The following PCMTD2 variants were observed in gnomAD, a reference collection of about 807,000 sequenced individuals.
The protein encoded by PCMTD2 is protein-L-isoaspartate (D-aspartate) O-methyltransferase domain containing 2.
PCMTD2 carries 16 observed loss-of-function variants against 33.4 expected under a neutral mutation model. The ratio of observed to expected loss-of-function variants is 0.48; its 90% confidence interval spans 0.32 to 0.73. PCMTD2 has a LOEUF of 0.73. Among genes scored for constraint, PCMTD2 ranks in the 30% least tolerant of loss-of-function variants. The probability of loss-of-function intolerance (pLI) is 0.03; values close to 1 mark genes in which losing one functional copy is unlikely to be tolerated. For missense variants in PCMTD2, 374 were observed against 449.9 expected, an observed-to-expected ratio of 0.83 and a Z score of 1.53; for synonymous variants, 161 against 160.8, an observed-to-expected ratio of 1.00 and a Z score of -0.01.
intron 5 of PCMTD2, 140 bp downstream of exon 5, chr20:64,268,150 C>CCTTTCTGACTTTGGT (rs769101710): frequency 0.21 from 121,975 of 573,288 alleles, 15,445 homozygotes; most frequent in South Asian, 0.39. Flanking sequence ...ATTCTACAAG[C>CCTTTCTGACTTTGGT]AATTTCAGGC....
At position 64,268,024 on chromosome 20, in the gene PCMTD2, T is replaced by G; in HGVS notation, c.706+14T>G. ...TTGTCCAGTTACGTAAGTATACCAA[T>G]CTTTACTTATTTTATCTTTTAGATC... is the stretch of plus-strand genomic sequence containing the variant. On this transcript the variant is annotated intron_variant, in intron 5 of 5. Coordinates refer to ENST00000308824, the MANE Select transcript of PCMTD2 (RefSeq NM_018257.3). 6.3e-7 allele frequency: 1 copy of G among 1,587,530 alleles called. No individual in the cohort carries two copies. Among genetic ancestry groups the G allele is most frequent in the Non-Finnish European group, 8.6e-7 (1 of 1,163,164 alleles).
chr20:64,259,505 C>T (rs1286814731), intron 1 of PCMTD2, among the ~76,000 whole-genome samples: 1 of 151,280 alleles, frequency 6.6e-6, no homozygotes, highest in East Asian at 1.9e-4. Context: ...TCTTCTCCCT[C>T]AGCCTCGCCA....
intron 3 of PCMTD2, among the ~76,000 whole-genome samples, chr20:64,264,927 A>G (rs1011806725): frequency 2.6e-5 from 4 of 152,244 alleles, no homozygotes; most frequent in Non-Finnish European, 4.4e-5. Context: ...CCACCCCCAC[A>G]TCTCACTCAT....
intron 5 of PCMTD2, chr20:64,272,146 C>A: frequency 2.7e-6 from 1 of 372,150 alleles, no homozygotes. Context: ...TTACTCACTA[C>A]CAGGGGCCTG....
rs557789541 is a variant in PCMTD2, at chr20:64,273,425, A to T, written c.911A>T (p.Asn304Ile). 1.3e-5 allele frequency: 21 copies of T among 1,614,022 alleles called. No homozygotes were observed. In the South Asian group the frequency reaches 2.2e-4, roughly 17 times the overall value. Residue 304 changes from asparagine (N) to isoleucine (I), a missense_variant, in exon 6 of 6, where the codon AAC becomes ATC. Transcript: ENST00000308824. ...DKEVFASRIS[N>I]PSDDNSCEDL... ...GAAGTCTTTGCCAGTCGGATTTCCA[A>T]CCCCTCAGATGACAACAGCTGTGAA...
intron 2 of PCMTD2, among the ~76,000 whole-genome samples, chr20:64,261,953 TTAAAG>T (rs1985433709): frequency 6.6e-6 from 1 of 152,162 alleles, no homozygotes; most frequent in Non-Finnish European, 1.5e-5. Flanking sequence ...AAAAGATGAC[TTAAAG>T]TAAGCCTGAA....
intron 1 of PCMTD2, among the ~76,000 whole-genome samples, chr20:64,256,087 C>T (rs1985150454): frequency 6.6e-6 from 1 of 152,120 alleles, no homozygotes; most frequent in Non-Finnish European, 1.5e-5. Flanking sequence ...CTCGCGGTTT[C>T]CCGTCGGTCT....
Position 64,273,273 on chromosome 20 carries a change from C to T in PCMTD2, c.759C>T (p.Gly253=), listed in dbSNP as rs1488003770. ...ACTTGGCTCGCATCGCCATCCGGGG[C>T]ACCATTAAAAAGATTATTCATCAGG... ...LQDLARIAIR[G]TIKKIIHQET... is the part of the protein sequence containing the mutation. Residue 253 remains glycine, a synonymous_variant, in exon 6 of 6, where the codon GGC becomes GGT. Transcript: ENST00000308824. The T allele has an allele frequency of 1.2e-6, 2 of 1,613,824 alleles. No individual in the cohort carries two copies. The highest frequency in any genetic ancestry group is 2.7e-5 in the African/African-American group (2 of 74,896).
chr20:64,273,380 C>CG lies in PCMTD2; in HGVS notation c.867dup (p.Ile290AspfsTer19), dbSNP rs891207464. The CG allele has an allele frequency of 6.2e-7, 1 of 1,614,004 alleles. No homozygotes were observed. Among genetic ancestry groups the CG allele is most frequent in the African/African-American group, 1.3e-5 (1 of 74,924 alleles). ...AGAGTTCGCCGCCGTCGAATGGAAA[C>CG]GATTGTCTTTTTGGACAAAGAAGTC... On this transcript the variant is annotated frameshift_variant, in exon 6 of 6. Coordinates refer to ENST00000308824, the MANE Select transcript of PCMTD2 (RefSeq NM_018257.3). LOFTEE classifies it high-confidence loss of function.
rs1353284223 is a variant in PCMTD2 at position 64,274,191 on chromosome 20, A to G, written c.*591A>G. The G allele has an allele frequency of 6.6e-6, 1 of 152,162 alleles. No homozygotes were observed. The highest frequency in any genetic ancestry group is 1.5e-5 in the Non-Finnish European group (1 of 68,026). The allele number at this position is 152,162 out of a possible 1,614,324, so 9.4% of individuals were successfully genotyped here. Reference sequence around the variant, plus strand: ...CCCTTATTTTAAGTAAGTTGATTAAATCTTATGTGAGTTGCCAGTTGTAAT... The same window carrying G: ...CCCTTATTTTAAGTAAGTTGATTAAGTCTTATGTGAGTTGCCAGTTGTAAT... On this transcript the variant is annotated 3_prime_UTR_variant, in exon 6 of 6. Transcript: ENST00000308824.
chr20:64,266,391 G>A (rs1797465262), intron 4 of PCMTD2, among the ~76,000 whole-genome samples: 1 of 152,106 alleles, frequency 6.6e-6, no homozygotes, highest in South Asian at 2.1e-4. Flanking sequence ...CTGAGTAGCT[G>A]GGATTACAGG....
chr20:64,259,821 G>GAAA (rs1985324716), intron 1 of PCMTD2, 121 bp from the exon 2 acceptor site: 1 of 595,812 alleles, frequency 1.7e-6, no homozygotes, highest in Non-Finnish European at 2.9e-6. Context: ...GGTGGGTGTT[G>GAAA]ACAAAAGATA....
chr20:64,259,530 A>G (rs893812227), intron 1 of PCMTD2, among the ~76,000 whole-genome samples: 1 of 151,644 alleles, frequency 6.6e-6, no homozygotes, highest in Non-Finnish European at 1.5e-5. Context: ...CTGGGATTAC[A>G]GGCATCCACC....
Position 64,260,156 on chromosome 20 carries a change from C to T in PCMTD2, c.191C>T (p.Ser64Leu), listed in dbSNP as rs1985342703. Residue 64 changes from serine to leucine, a missense_variant, in exon 2 of 6, where the codon TCA (serine) becomes TTA (leucine). Ser to Leu is a moderately radical substitution (Grantham distance 145, BLOSUM62 -2). Transcript: ENST00000308824. ...LAWKHGNIHLSAPCIYSEVME... is the reference protein window; with the variant it reads ...LAWKHGNIHLLAPCIYSEVME... The stretch of plus-strand genomic sequence containing the variant: ...TGGAAGCATGGAAACATTCACCTCT[C>T]AGCCCCGTGCATCTACTCGGAGGTG... 6.2e-7 allele frequency: 1 copy of T among 1,612,958 alleles called. No individual in the cohort carries two copies. The highest frequency in any genetic ancestry group is 8.5e-7 in the Non-Finnish European group (1 of 1,178,928).
Position 64,273,261 on chromosome 20 carries a change from C to A in PCMTD2, c.747C>A (p.Ile249=), listed in dbSNP as rs754163444. ...AVRSLQDLAR[I]AIRGTIKKII... Reference sequence around the variant, plus strand: ...GCAGCCTCCAGGACTTGGCTCGCATCGCCATCCGGGGCACCATTAAAAAGA... The same window carrying A: ...GCAGCCTCCAGGACTTGGCTCGCATAGCCATCCGGGGCACCATTAAAAAGA... Residue 249 remains isoleucine (I), a synonymous_variant, in exon 6 of 6, where the codon ATC becomes ATA. Coordinates refer to ENST00000308824, the MANE Select transcript of PCMTD2 (RefSeq NM_018257.3). The A allele has an allele frequency of 6.2e-6, 10 of 1,613,848 alleles. No individual in the cohort carries two copies. The highest frequency in any genetic ancestry group is 2.7e-5 in the African/African-American group (2 of 74,886).
intron 5 of PCMTD2, 38 bp downstream of exon 5, chr20:64,268,048 T>A (rs762669586): frequency 1.4e-6 from 2 of 1,468,750 alleles, no homozygotes; most frequent in Non-Finnish European, 1.8e-6. Flanking sequence ...ATCTTTTAGA[T>A]CTTTTCTCTC....
In PCMTD2 at chr20:64,274,505, C is replaced by T. The variant is rs1178563495; in HGVS notation, c.*905C>T. 6.6e-6 allele frequency: 1 copy of T among 152,210 alleles called. No individual in the cohort carries two copies. Among genetic ancestry groups the T allele is most frequent in the Non-Finnish European group, 1.5e-5 (1 of 68,044 alleles). The allele number at this position is 152,210 out of a possible 1,614,324, so 9.4% of individuals were successfully genotyped here. A position where few individuals can be genotyped will look rare whatever the true frequency, so the allele number is the denominator to read the frequency against. ...ATTCTAAGGTGTTGACACCCTCCATCCTCAGAGCAGGTCGAAAATATTAAA... is the reference window on the plus strand; with the variant it reads ...ATTCTAAGGTGTTGACACCCTCCATTCTCAGAGCAGGTCGAAAATATTAAA... On this transcript the variant is annotated 3_prime_UTR_variant, in exon 6 of 6. Coordinates refer to ENST00000308824, the MANE Select transcript of PCMTD2 (RefSeq NM_018257.3).
intron 4 of PCMTD2, chr20:64,265,724 C>T (rs111709921): frequency 6.4e-6 from 2 of 313,176 alleles, no homozygotes; most frequent in African/African-American, 2.1e-5. Context: ...CCTTCCCCTT[C>T]TCCTTCCCCC....
intron 2 of PCMTD2, among the ~76,000 whole-genome samples, chr20:64,261,955 A>T (rs1985433869): frequency 6.6e-6 from 1 of 152,222 alleles, no homozygotes; most frequent in South Asian, 2.1e-4. Context: ...AAGATGACTT[A>T]AAGTAAGCCT....
Sources: gnomAD v4.1 joint callset for allele counts (sites outside exome capture counted in the v4.1 genomes callset) on GRCh38, gnomAD v4.1.1 for gene constraint, MANE v1.5 for transcripts, NCBI Gene and HGNC (gene_info 2026-07-23, HGNC 2026-07-21) for gene names.